Variants in ADAMTS9 observed in about 807,000 individuals in gnomAD.
ADAMTS9 encodes the protein A disintegrin and metalloproteinase with thrombospondin motifs 9.
ADAMTS9 carries 107 observed loss-of-function variants against 257.1 expected under a neutral mutation model. The ratio of observed to expected loss-of-function variants is 0.42; its 90% CI spans 0.36 to 0.49. The LOEUF is 0.49. ADAMTS9 is among the 20% of genes least tolerant of loss of function. The pLI is 0.03. For missense variants in ADAMTS9, 2,353 were observed against 2,469.1 expected, an observed-to-expected ratio of 0.95 and a Z score of 1.00; for synonymous variants, 982 against 880.9, an observed-to-expected ratio of 1.11 and a Z score of -2.03.
At chr3:64,622,633 T>C (rs1226969546) in intron 16 of ADAMTS9, 47 bp from the exon 17 acceptor site, 1 of 1,594,746 alleles carries the variant, frequency 6.3e-7, no homozygotes, top group South Asian at 1.1e-5. Flanking sequence ...TGTCAATGAC[T>C]AGCTGTTTGA....
chr3:64,615,839 T>C (rs2084751814), intron 20 of ADAMTS9, 121 bp downstream of exon 20: 1 of 1,205,806 alleles, frequency 8.3e-7, no homozygotes, highest in Non-Finnish European at 1.2e-6. Flanking sequence ...GGTCAGGCAT[T>C]ACAAATCAAT....
At chr3:64,602,343 CTT>C in intron 25 of ADAMTS9, 130 bp from the exon 26 acceptor site, 1 of 957,658 alleles carries the variant, frequency 1.0e-6, no homozygotes, top group Non-Finnish European at 1.5e-6. Flanking sequence ...TGGAATCACC[CTT>C]GTCTCCTCTT....
At chr3:64,621,890 A>C (rs931120514) in intron 18 of ADAMTS9, among the ~76,000 whole-genome samples, 16 of 152,168 alleles carry the variant, frequency 1.1e-4, no homozygotes, top group Non-Finnish European at 2.2e-4. Context: ...AAGAAAACAA[A>C]ATAAATAACA....
intron 19 of ADAMTS9, among the ~76,000 whole-genome samples, chr3:64,619,570 G>T (rs72890820): frequency 0.03 from 4,532 of 152,004 alleles, 215 homozygotes; most frequent in African/African-American, 0.1. Context: ...TCATAATGTT[G>T]TTTGAAGAAT....
chr3:64,539,403 G>A, intron 36 of ADAMTS9, 109 bp from the exon 37 acceptor site: 2 of 905,712 alleles, frequency 2.2e-6, no homozygotes, highest in Non-Finnish European at 3.6e-6. Flanking sequence ...AGAATAAGAG[G>A]GAATGGGAGA....
At chr3:64,534,813 C>T (rs2371527) in intron 37 of ADAMTS9, among the ~76,000 whole-genome samples, 8,788 of 152,064 alleles carry the variant, frequency 0.058, 1,139 homozygotes, top group Admixed American at 0.29. Context: ...TGGCATCTGG[C>T]GGGTAGAGAC....
In ADAMTS9 at chr3:64,655,847, A is replaced by G. The variant is rs1342831336; in HGVS notation, c.998T>C (p.Ile333Thr). 2 of 1,570,426 alleles carry G rather than the reference A, an allele frequency of 1.3e-6. No homozygotes were observed. The highest frequency in any genetic ancestry group is 8.6e-7 in the Non-Finnish European group (1 of 1,164,386). Reference protein sequence around the residue: ...IVASIYKDPSIGNLINIVIVN... With the variant: ...IVASIYKDPSTGNLINIVIVN... The stretch of plus-strand genomic sequence containing the variant: ...AATAACAATATTAATTAAATTTCCA[A>G]TACTTGGGTCTTTATAGATAGAGGC... The change falls in exon 5 of 40, where the codon ATT (isoleucine) becomes ACT (threonine). Residue 333 changes from isoleucine (I) to threonine (T), a missense_variant. Ile to Thr is a moderately conservative substitution (Grantham distance 89). Around this residue, in one of 3 missense-constraint regions of ADAMTS9, gnomAD observed 591 missense variants for 569.6 expected, o/e 1.04. Coordinates refer to ENST00000498707, the MANE Select transcript of ADAMTS9 (RefSeq NM_182920.2).
intron 12 of ADAMTS9, among the ~76,000 whole-genome samples, chr3:64,635,159 T>C (rs1245833616): frequency 2.6e-5 from 4 of 152,196 alleles, no homozygotes; most frequent in African/African-American, 9.7e-5. Flanking sequence ...CAGGACTCAG[T>C]GCTCCTGCAG....
chr3:64,596,139 T>C (rs1274924394), intron 27 of ADAMTS9, among the ~76,000 whole-genome samples: 1 of 152,202 alleles, frequency 6.6e-6, no homozygotes, highest in Non-Finnish European at 1.5e-5. Context: ...AAGAAGTTGG[T>C]GCTATTACTA....
At chr3:64,594,625 T>C (rs893941117) in intron 27 of ADAMTS9, among the ~76,000 whole-genome samples, 191 bp from the exon 28 acceptor site, 2 of 151,958 alleles carry the variant, frequency 1.3e-5, no homozygotes, top group Non-Finnish European at 2.9e-5. Context: ...TAATGGCAGG[T>C]ATTAGTTATT....
rs370621069 is a variant in ADAMTS9, at chr3:64,594,304, T to C, written c.4310A>G (p.His1437Arg). 5.2e-5 allele frequency: 84 copies of C among 1,611,962 alleles called. No individual in the cohort carries two copies. Among genetic ancestry groups the C allele is most frequent in the Non-Finnish European group, 7.0e-5 (82 of 1,179,304 alleles). ...CCATGCAGCGTCGTGTGGACAAGCA[T>C]GTGTGTTACACTGCTCACGATCGGG... ...KPPDREQCNT[H>R]ACPHDAAWST... is the part of the protein sequence containing the mutation. The change falls in exon 28 of 40, where the codon CAT becomes CGT. Residue 1437 changes from histidine (H) to arginine (R), a missense_variant. Physicochemically the swap from His to Arg is conservative, Grantham distance 29. Around this residue, in one of 3 missense-constraint regions of ADAMTS9, gnomAD observed 1,402 missense variants for 1,441.4 expected, o/e 0.97. Transcript: ENST00000498707.
chr3:64,602,937 C>G (rs138859133), intron 25 of ADAMTS9, among the ~76,000 whole-genome samples: 291 of 152,268 alleles, frequency 1.9e-3, no homozygotes, highest in African/African-American at 6.8e-3. Context: ...CAAGCTTTCA[C>G]AAATATCTGG....
intron 39 of ADAMTS9, among the ~76,000 whole-genome samples, chr3:64,518,764 A>AT (rs61286740): frequency 0.029 from 1,902 of 65,322 alleles, 169 homozygotes; most frequent in Middle Eastern, 0.089. Context: ...TTACCTTTTC[A>AT]TTTTTTTTTT....
At chr3:64,652,458 C>A (rs770344975) in intron 8 of ADAMTS9, among the ~76,000 whole-genome samples, 1 of 152,126 alleles carries the variant, frequency 6.6e-6, no homozygotes, top group Non-Finnish European at 1.5e-5. Flanking sequence ...CAATGCAATA[C>A]CTGCATCAAC....
chr3:64,612,573 T>C (rs2084685958), intron 22 of ADAMTS9, among the ~76,000 whole-genome samples: 1 of 152,162 alleles, frequency 6.6e-6, no homozygotes, highest in Admixed American at 6.6e-5. Flanking sequence ...GCTAAAAGAC[T>C]GAGTGGCTGT....
chr3:64,604,740 T>C (rs2084528150), intron 23 of ADAMTS9, among the ~76,000 whole-genome samples: 1 of 152,226 alleles, frequency 6.6e-6, no homozygotes, highest in South Asian at 2.1e-4. Context: ...AATCAGAATT[T>C]GCTAATCATG....
At chr3:64,533,112 AG>A in intron 38 of ADAMTS9, 53 bp downstream of exon 38, 1 of 1,503,318 alleles carries the variant, frequency 6.7e-7, no homozygotes, top group South Asian at 1.2e-5. Context: ...AATAAAGACA[AG>A]AACGAAAGAA....
intron 23 of ADAMTS9, among the ~76,000 whole-genome samples, chr3:64,606,549 T>C (rs1001673696): frequency 5.9e-5 from 9 of 152,236 alleles, no homozygotes; most frequent in African/African-American, 2.2e-4. Context: ...ATGGTTATAC[T>C]TAATAATCAG....
At chr3:64,546,024 T>C (rs1297706220) in intron 32 of ADAMTS9, among the ~76,000 whole-genome samples, 1 of 152,216 alleles carries the variant, frequency 6.6e-6, no homozygotes, top group Non-Finnish European at 1.5e-5. Context: ...ATTTCTTACA[T>C]AGAAGCACTA....
Sources: allele counts gnomAD v4.1 joint callset (sites outside exome capture counted in the v4.1 genomes callset), GRCh38; gene constraint gnomAD v4.1.1; regional missense constraint gnomAD v4.1.1; transcripts MANE v1.5; gene names NCBI Gene and HGNC (gene_info 2026-07-23, HGNC 2026-07-21).